CYTH3: variants seen among roughly 807,000 people sequenced by gnomAD.
The protein encoded by CYTH3 is cytohesin 3.
In CYTH3, 23 loss-of-function variants were observed where a neutral mutation model predicts 55.1. The ratio of observed to expected loss-of-function variants is 0.42; its 90% CI spans 0.30 to 0.59. The LOEUF (loss-of-function observed/expected upper bound fraction) is 0.59. Ranked by LOEUF, CYTH3 falls within the 20% of genes least tolerant of loss-of-function variation. CYTH3 has a pLI of 0.20. For missense variants in CYTH3, 413 were observed against 524.8 expected, an observed-to-expected ratio of 0.79 and a Z score of 2.08; for synonymous variants, 249 against 194.9, an observed-to-expected ratio of 1.28 and a Z score of -2.31.
At chr7:6,202,321 A>C (rs1384298775) in intron 1 of CYTH3, among the ~76,000 whole-genome samples, 1 of 152,216 alleles carries the variant, frequency 6.6e-6, no homozygotes, top group Non-Finnish European at 1.5e-5. Flanking sequence ...CGCGTAAGTG[A>C]AGTCATCTGG....
chr7:6,263,799 C>T (rs6973882), intron 1 of CYTH3, among the ~76,000 whole-genome samples: 4,312 of 141,638 alleles, frequency 0.03, 192 homozygotes, highest in African/African-American at 0.11. Flanking sequence ...ACACTAACTT[C>T]AGGAAAAAAA....
chr7:6,244,127 T>C (rs1031626055), intron 1 of CYTH3, among the ~76,000 whole-genome samples: 2 of 152,244 alleles, frequency 1.3e-5, no homozygotes, highest in Non-Finnish European at 2.9e-5. Flanking sequence ...GCATCTTATG[T>C]ATCTGATGCA....
At chr7:6,180,679 A>T (rs1393181565) in intron 4 of CYTH3, among the ~76,000 whole-genome samples, 5 of 152,238 alleles carry the variant, frequency 3.3e-5, no homozygotes, top group African/African-American at 1.2e-4. Context: ...CACTAGGTAA[A>T]TACTCATAAA....
In CYTH3 at chr7:6,171,035, C is replaced by G; in HGVS notation, c.563-57G>C. ...AGAACCTCCAGTGGACAGTGGGACC[C>G]CGCGTGCTGGGGGCCCGCCTGCAAG... is the stretch of plus-strand genomic sequence containing the variant. On this transcript the variant is annotated intron_variant, in intron 7 of 12. Transcript: ENST00000350796. The surrounding 1 kb of genome is among the most constrained non-coding windows in gnomAD (Gnocchi z 6.7). The G allele has an allele frequency of 6.2e-7, 1 of 1,605,046 alleles. No individual in the cohort carries two copies. The highest frequency in any genetic ancestry group is 8.5e-7 in the Non-Finnish European group (1 of 1,175,338).
intron 4 of CYTH3, among the ~76,000 whole-genome samples, chr7:6,185,807 C>T (rs1783628391): frequency 6.6e-6 from 1 of 152,090 alleles, no homozygotes; most frequent in South Asian, 2.1e-4. Context: ...ATATCACCTG[C>T]AACTGCACCT....
chr7:6,234,677 C>T (rs924801821), intron 1 of CYTH3, among the ~76,000 whole-genome samples: 2 of 152,100 alleles, frequency 1.3e-5, no homozygotes, highest in Non-Finnish European at 2.9e-5. Context: ...ACTGGGTGCA[C>T]GAGTGCAAAC....
intron 5 of CYTH3, among the ~76,000 whole-genome samples, chr7:6,175,400 C>T (rs187239370): frequency 2.0e-5 from 3 of 152,222 alleles, no homozygotes; most frequent in Non-Finnish European, 2.9e-5. Context: ...CTATTCTTCC[C>T]CCCACTGAAA....
intron 12 of CYTH3, 73 bp from the exon 13 acceptor site, chr7:6,165,089 G>C (rs1191200337): frequency 8.1e-6 from 13 of 1,600,828 alleles, no homozygotes; most frequent in African/African-American, 1.3e-5. Flanking sequence ...ACCAGCCCCA[G>C]AGGCCCCTCA....
chr7:6,191,326 G>A (rs377472248), intron 1 of CYTH3, among the ~76,000 whole-genome samples: 8 of 151,988 alleles, frequency 5.3e-5, no homozygotes, highest in Admixed American at 3.9e-4. Flanking sequence ...CATAGACAGC[G>A]CCCAGGAAAA....
intron 1 of CYTH3, among the ~76,000 whole-genome samples, chr7:6,251,108 C>G (rs1444154020): frequency 6.6e-6 from 1 of 152,150 alleles, no homozygotes; most frequent in Non-Finnish European, 1.5e-5. Context: ...AACCCCATCT[C>G]CACTAAAAAT....
Position 6,165,809 on chromosome 7 carries a change from T to C in CYTH3, c.825A>G (p.Gly275=), listed in dbSNP as rs142046521. ...GGCGCTTCCAGGTCTTCACACGCCC[T>C]CCTAGAAGCAGAAGGGCCCCGTGAG... ...PDREGWLLKL[G]GRVKTWKRRW... The change falls in exon 10 of 13, where the codon GGA becomes GGG. Residue 275 remains glycine, a splice_region_variant and synonymous_variant. Coordinates refer to ENST00000350796, the MANE Select transcript of CYTH3 (RefSeq NM_004227.4). The C allele has an allele frequency of 5.0e-5, 81 of 1,613,954 alleles. No individual in the cohort carries two copies. The African/African-American group carries it at 9.9e-4, about 20-fold the overall frequency.
intron 1 of CYTH3, among the ~76,000 whole-genome samples, chr7:6,194,747 C>T (rs1309620553): frequency 6.6e-6 from 1 of 152,166 alleles, no homozygotes; most frequent in Admixed American, 6.6e-5. Flanking sequence ...GAGGCCAAGG[C>T]AGGCGGATCA....
chr7:6,175,676 T>C (rs945122540), intron 5 of CYTH3, among the ~76,000 whole-genome samples: 1 of 150,980 alleles, frequency 6.6e-6, no homozygotes, highest in Non-Finnish European at 1.5e-5. Context: ...GCCTCCCGAG[T>C]GGCTGGGATT....
At position 6,250,640 on chromosome 7, in the gene CYTH3, A is replaced by T. The variant is rs186599729; in HGVS notation, c.34+21834T>A. Among the ~76,000 whole-genome samples the T allele has an allele frequency of 3.7e-3, 571 of 152,358 alleles. 2 individuals carry two copies. Among genetic ancestry groups the T allele is most frequent in the Non-Finnish European group, 5.8e-3 (396 of 68,040 alleles). On this transcript the variant is annotated intron_variant, in intron 1 of 12. Transcript: ENST00000350796. ...ATGATTCCATTTACGTGACATGTCC[A>T]TGGAAACAAAAAGTCAATGAATGAC...
chr7:6,236,259 A>G (rs1000410225), intron 1 of CYTH3, among the ~76,000 whole-genome samples: 4 of 152,040 alleles, frequency 2.6e-5, no homozygotes, highest in African/African-American at 9.7e-5. Context: ...GCTGGAGTAC[A>G]GTGGCACAAT....
At chr7:6,217,134 A>T (rs1206352726) in intron 1 of CYTH3, among the ~76,000 whole-genome samples, 3 of 152,164 alleles carry the variant, frequency 2.0e-5, no homozygotes, top group Admixed American at 6.5e-5. Context: ...GCTGGTCTCG[A>T]ACTCCTAACC....
Position 6,187,700 on chromosome 7 carries a change from C to T in CYTH3, c.139G>A (p.Glu47Lys), listed in dbSNP as rs2128543320. 6.2e-7 allele frequency: 1 copy of T among 1,614,172 alleles called. No individual in the cohort carries two copies. Among genetic ancestry groups the T allele is most frequent in the Admixed American group, 1.7e-5 (1 of 60,034 alleles). Residue 47 changes from glutamate to lysine, a missense_variant, in exon 3 of 13, where the codon GAG becomes AAG. Glu to Lys is a moderately conservative substitution (Grantham distance 56, BLOSUM62 1). Transcript: ENST00000350796. The part of the protein sequence containing the change: ...DIERLKYEIA[E>K]VMTEIDNLTS... Reference sequence around the variant, plus strand: ...AGATTGTCGATCTCTGTCATCACCTCTGCAATTTCATATTTCAGCCTCTGT... The same window carrying T: ...AGATTGTCGATCTCTGTCATCACCTTTGCAATTTCATATTTCAGCCTCTGT...
chr7:6,235,247 G>A (rs541071477), intron 1 of CYTH3, among the ~76,000 whole-genome samples: 3 of 152,292 alleles, frequency 2.0e-5, no homozygotes, highest in Admixed American at 1.3e-4. Context: ...ATGCCAAGGC[G>A]AGCACATCAT....
At chr7:6,172,621 C>A (rs1464299014) in intron 6 of CYTH3, 10 of 832,382 alleles carry the variant, frequency 1.2e-5, no homozygotes, top group Non-Finnish European at 1.5e-5. Flanking sequence ...CAGGCTCCCA[C>A]GGCTGTGGGA....
Sources: gnomAD v4.1 joint callset for allele counts (sites outside exome capture counted in the v4.1 genomes callset) on GRCh38, gnomAD v4.1.1 for gene constraint, Gnocchi (gnomAD v3.1) non-coding constraint, MANE v1.5 for transcripts, NCBI Gene and HGNC (gene_info 2026-07-23, HGNC 2026-07-21) for gene names.